MORC2: variants seen among roughly 807,000 people sequenced by gnomAD.
The protein encoded by MORC2 is ATPase MORC2.
MORC2 carries 30 observed loss-of-function variants against 136.0 expected under a neutral mutation model. That is an observed-to-expected ratio of 0.22 (90% CI 0.17 to 0.30). MORC2 has a LOEUF of 0.30. Among genes scored for constraint, MORC2 ranks in the 10% least tolerant of loss-of-function variants. MORC2 has a pLI of 1.00. For synonymous variants in MORC2, 439 were observed against 487.0 expected, an observed-to-expected ratio of 0.90 and a Z score of 1.30; for missense variants, 922 against 1,333.1, an observed-to-expected ratio of 0.69 and a Z score of 4.80.
chr22:30,935,817 G>T, intron 17 of MORC2, among the ~76,000 whole-genome samples: 1 of 152,142 alleles, frequency 6.6e-6, no homozygotes, highest in East Asian at 1.9e-4. Context: ...AAGTGAATAA[G>T]CAGTTTAAAA....
In MORC2 at chr22:30,934,416, G is replaced by A. The variant is rs924895603; in HGVS notation, c.2194-225C>T. Among the ~76,000 whole-genome samples the A allele has an allele frequency of 1.3e-5, 2 of 152,086 alleles. No individual in the cohort carries two copies. Among genetic ancestry groups the A allele is most frequent in the African/African-American group, 2.4e-5 (1 of 41,400 alleles). On this transcript the variant is annotated intron_variant, in intron 19 of 25. Coordinates refer to ENST00000397641, the MANE Select transcript of MORC2 (RefSeq NM_001303256.3). This position sits in a 1 kb window ranked among gnomAD's most constrained non-coding sequence, Gnocchi z 4.4. ...GCTTCTCAATTCCCTTCCCACCTTA[G>A]TCTACCTGGCCAACTAGCTGTCACC...
chr22:30,965,486 T>C (rs2041114508), intron 1 of MORC2, among the ~76,000 whole-genome samples: 1 of 152,238 alleles, frequency 6.6e-6, no homozygotes, highest in South Asian at 2.1e-4. Context: ...AAAAAACTTA[T>C]CTTGTTGGTT....
At chr22:30,950,503 C>G in intron 3 of MORC2, 58 bp from the exon 4 acceptor site, 1 of 1,529,040 alleles carries the variant, frequency 6.5e-7, no homozygotes, top group Non-Finnish European at 9.1e-7. Context: ...TGGCAACATG[C>G]CTATGATCAG....
chr22:30,950,347 AC>A (rs761507269), intron 4 of MORC2, 29 bp downstream of exon 4: 32 of 399,934 alleles, frequency 8.0e-5, no homozygotes, highest in Middle Eastern at 8.1e-4. Flanking sequence ...GCACCCCCCC[AC>A]CCCCCAAAAC....
At chr22:30,948,572 G>A (rs1251807471) in intron 5 of MORC2, among the ~76,000 whole-genome samples, 1 of 152,178 alleles carries the variant, frequency 6.6e-6, no homozygotes, top group Non-Finnish European at 1.5e-5. Flanking sequence ...TTACAAAGGA[G>A]GAAGCTGAGG....
chr22:30,933,968 T>TAGACTGCTGATGGGG lies in MORC2; in HGVS notation c.2325+91_2325+92insCCCCATCAGCAGTCT, dbSNP rs1276508845. 4.3e-5 allele frequency: 64 copies of TAGACTGCTGATGGGG among 1,489,104 alleles called. No homozygotes were observed. In the East Asian group the frequency reaches 1.2e-3, roughly 28 times the overall value. The allele number at this position is 1,489,104 out of a possible 1,614,324, so 92.2% of individuals were successfully genotyped here. A position where few individuals can be genotyped will look rare whatever the true frequency, so the allele number is the denominator to read the frequency against. On this transcript the variant is annotated intron_variant, in intron 20 of 25. Coordinates refer to ENST00000397641, the MANE Select transcript of MORC2 (RefSeq NM_001303256.3). ...GTGGGTTGTGTAGACTGCTGGTGGATGGTATAGACTGCTGATGGGGGGTGC... is the reference window on the plus strand; with the variant it reads ...GTGGGTTGTGTAGACTGCTGGTGGATAGACTGCTGATGGGGGGTATAGACTGCTGATGGGGGGTGC...
rs2040666445 is a variant in MORC2, at chr22:30,937,129, C to T, written c.1499-92G>A. On this transcript the variant is annotated intron_variant, in intron 15 of 25. Coordinates refer to ENST00000397641, the MANE Select transcript of MORC2 (RefSeq NM_001303256.3). This position sits in a 1 kb window ranked among gnomAD's most constrained non-coding sequence, Gnocchi z 4.7. ...TCACAGGCCCACCACAATGATGCCC[C>T]AGACTTTGTAGGCAAAGATCTTCAC... 2.3e-6 allele frequency: 2 copies of T among 873,036 alleles called. No homozygotes were observed. The highest frequency in any genetic ancestry group is 1.4e-5 in the South Asian group (1 of 69,358). The allele number at this position is 873,036 out of a possible 1,614,324, so 54.1% of individuals were successfully genotyped here. A position where few individuals can be genotyped will look rare whatever the true frequency, so the allele number is the denominator to read the frequency against.
Position 30,937,076 on chromosome 22 carries a change from C to T in MORC2, c.1499-39G>A. 2.1e-6 allele frequency: 3 copies of T among 1,445,426 alleles called. No individual in the cohort carries two copies. Among genetic ancestry groups the T allele is most frequent in the East Asian group, 2.3e-5 (1 of 43,950 alleles). The allele number at this position is 1,445,426 out of a possible 1,614,324, so 89.5% of individuals were successfully genotyped here. A position where few individuals can be genotyped will look rare whatever the true frequency, so the allele number is the denominator to read the frequency against. ...AAAAACCCCACATATCAGCCACGCC[C>T]ACCAACTCTATCTGTAATCCGGGTT... On this transcript the variant is annotated intron_variant, in intron 15 of 25. Transcript: ENST00000397641. This position sits in a 1 kb window ranked among gnomAD's most constrained non-coding sequence, Gnocchi z 4.7.
intron 6 of MORC2, among the ~76,000 whole-genome samples, chr22:30,945,882 G>T (rs1044562463): frequency 2.0e-5 from 3 of 152,164 alleles, no homozygotes; most frequent in African/African-American, 7.2e-5. Context: ...CTGAGTCATA[G>T]TTTCTGACAT....
chr22:30,961,671 A>C (rs1036555524), intron 1 of MORC2, among the ~76,000 whole-genome samples: 6 of 152,236 alleles, frequency 3.9e-5, no homozygotes, highest in African/African-American at 1.4e-4. Flanking sequence ...AGAATGTACT[A>C]ACTTCAGAAT....
chr22:30,927,918 C>T, intron 25 of MORC2, 101 bp downstream of exon 25: 1 of 1,422,280 alleles, frequency 7.0e-7, no homozygotes, highest in Non-Finnish European at 9.6e-7. Flanking sequence ...CCATAGATTC[C>T]TGTGAGTGGA....
intron 25 of MORC2, 93 bp downstream of exon 25, chr22:30,927,926 G>A (rs2040513863): frequency 6.9e-7 from 1 of 1,456,772 alleles, no homozygotes; most frequent in Non-Finnish European, 9.4e-7. Context: ...TCCTGTGAGT[G>A]GATAGATTCT....
At chr22:30,960,759 G>A (rs961040490) in intron 1 of MORC2, among the ~76,000 whole-genome samples, 1 of 149,566 alleles carries the variant, frequency 6.7e-6, no homozygotes, top group South Asian at 2.1e-4. Flanking sequence ...CCAAAGTGCT[G>A]GGATTACAGC....
In MORC2 at chr22:30,941,509, C is replaced by A; in HGVS notation, c.748G>T (p.Asp250Tyr). 1 of 1,614,098 alleles carries A rather than the reference C, an allele frequency of 6.2e-7. No individual in the cohort carries two copies. Among genetic ancestry groups the A allele is most frequent in the South Asian group, 1.1e-5 (1 of 91,076 alleles). The change falls in exon 9 of 26, where the codon GAT becomes TAT. Residue 250 changes from aspartate (D) to tyrosine (Y), a missense_variant. Coordinates refer to ENST00000397641, the MANE Select transcript of MORC2 (RefSeq NM_001303256.3). The surrounding 1 kb of genome is among the most constrained non-coding windows in gnomAD (Gnocchi z 4.6). The stretch of plus-strand genomic sequence containing the variant: ...TGGATGAAGATCCTCATCCGGGGAT[C>A]AATATAGAGCACAGCGGCATAGGCA... ...FRAYAAVLYI[D>Y]PRMRIFIHGH...
At chr22:30,940,424 G>A (rs1200024765) in intron 10 of MORC2, among the ~76,000 whole-genome samples, 1 of 152,152 alleles carries the variant, frequency 6.6e-6, no homozygotes, top group African/African-American at 2.4e-5. Flanking sequence ...CAGCGAGAGA[G>A]CCCCTGAGAT....
At chr22:30,950,471 TG>T (rs955361881) in intron 3 of MORC2, 26 bp from the exon 4 acceptor site, 30 of 1,610,166 alleles carry the variant, frequency 1.9e-5, no homozygotes, top group Non-Finnish European at 9.3e-6. Flanking sequence ...CTGCCATTAC[TG>T]GGCCGTTACC....
chr22:30,955,312 T>C (rs2040950720), intron 3 of MORC2, among the ~76,000 whole-genome samples: 1 of 152,132 alleles, frequency 6.6e-6, no homozygotes, highest in Non-Finnish European at 1.5e-5. Context: ...TGTGCCCCTA[T>C]TTCCTGTTAC....
intron 24 of MORC2, among the ~76,000 whole-genome samples, chr22:30,928,545 CAT>C (rs2040525110): frequency 6.6e-6 from 1 of 152,232 alleles, no homozygotes. Context: ...CATGCTCAAT[CAT>C]AACCTGTCTG....
Position 30,941,741 on chromosome 22 carries a change from G to A in MORC2, c.698+150C>T, listed in dbSNP as rs189903302. 22 of 1,103,864 alleles carry A rather than the reference G, an allele frequency of 2.0e-5. No homozygotes were observed. Among genetic ancestry groups the A allele is most frequent in the Middle Eastern group, 5.8e-4 (2 of 3,436 alleles). 68.4% of individuals were successfully genotyped at this position (1,103,864 alleles called of 1,614,324 possible). A position where few individuals can be genotyped will look rare whatever the true frequency, so the allele number is the denominator to read the frequency against. ...CCGCCCCTCTCACGTCCTCAGCACA[G>A]GCACCCCACAGGCAACTGAGCTGGC... On this transcript the variant is annotated intron_variant, in intron 8 of 25. Transcript: ENST00000397641. The surrounding 1 kb of genome is among the most constrained non-coding windows in gnomAD (Gnocchi z 4.6).
Sources: gnomAD v4.1 joint callset for allele counts (sites outside exome capture counted in the v4.1 genomes callset) on GRCh38, gnomAD v4.1.1 for gene constraint, Gnocchi (gnomAD v3.1) non-coding constraint, MANE v1.5 for transcripts, NCBI Gene and HGNC (gene_info 2026-07-23, HGNC 2026-07-21) for gene names.